The following LUZP2 variants were observed in gnomAD, a reference collection of about 807,000 sequenced individuals.
LUZP2 encodes leucine zipper protein 2.
A neutral mutation model predicts 51.6 loss-of-function variants in LUZP2; 52 were observed. That is an observed-to-expected ratio of 1.01 (90% CI 0.81 to 1.27). LUZP2 has a LOEUF of 1.27. LUZP2 is among the 50% of genes most tolerant of loss of function. LUZP2 has a pLI of 0.00. For synonymous variants in LUZP2, 154 were observed against 137.3 expected (o/e 1.12, Z -0.85); for missense variants, 436 against 395.4 (o/e 1.10, Z -0.87).
intron 5 of LUZP2, among the ~76,000 whole-genome samples, chr11:24,897,833 A>G (rs1853132548): frequency 6.6e-6 from 1 of 152,026 alleles, no homozygotes; most frequent in Admixed American, 6.6e-5. Flanking sequence ...TTGCTTGCTC[A>G]ATTGATTTAC....
At chr11:24,931,904 T>C (rs1854467313) in intron 7 of LUZP2, among the ~76,000 whole-genome samples, 1 of 152,204 alleles carries the variant, frequency 6.6e-6, no homozygotes, top group African/African-American at 2.4e-5. Flanking sequence ...AGGGAAGATC[T>C]GGGGTTCAGG....
intron 5 of LUZP2, among the ~76,000 whole-genome samples, chr11:24,769,776 A>C (rs1254431000): frequency 1.3e-5 from 2 of 149,988 alleles, no homozygotes; most frequent in Non-Finnish European, 2.9e-5. Context: ...AGGGAATCAC[A>C]CTAAATTCTC....
chr11:24,497,188 T>C lies in LUZP2; in HGVS notation c.-56T>C. On this transcript the variant is annotated 5_prime_UTR_variant, in exon 1 of 12. Coordinates refer to ENST00000336930, the MANE Select transcript of LUZP2 (RefSeq NM_001009909.4). ...AGCCGGGCACCAAGGAGCGACAGGA[T>C]CCCGAAGAGAGAGAGAGAAGGCAGC... 6.8e-7 allele frequency: 1 copy of C among 1,472,216 alleles called. No homozygotes were observed. The highest frequency in any genetic ancestry group is 9.2e-7 in the Non-Finnish European group (1 of 1,092,780). 91.2% of individuals were successfully genotyped at this position (1,472,216 alleles called of 1,614,324 possible).
chr11:24,889,486 A>AT (rs1852778762), intron 5 of LUZP2, among the ~76,000 whole-genome samples: 1 of 152,220 alleles, frequency 6.6e-6, no homozygotes, highest in Non-Finnish European at 1.5e-5. Flanking sequence ...ATGTCAAATG[A>AT]TAATTGTTTC....
intron 1 of LUZP2, among the ~76,000 whole-genome samples, chr11:24,600,174 AACACACACACACACACACAC>A (rs61439379): frequency 1.4e-5 from 2 of 144,162 alleles, no homozygotes; most frequent in Non-Finnish European, 3.0e-5. Flanking sequence ...TGTAGATTAC[AACACACACACACACACACAC>A]ACACACACAC....
At chr11:24,709,434 T>A (rs1167591990) in intron 1 of LUZP2, among the ~76,000 whole-genome samples, 1 of 152,108 alleles carries the variant, frequency 6.6e-6, no homozygotes, top group African/African-American at 2.4e-5. Context: ...TTTTAAAATA[T>A]ATGGATTTGA....
chr11:24,667,682 G>T (rs1427156829), intron 1 of LUZP2, among the ~76,000 whole-genome samples: 2 of 152,030 alleles, frequency 1.3e-5, no homozygotes, highest in Non-Finnish European at 2.9e-5. Context: ...AAAACCCAAG[G>T]ACATGAGCAA....
intron 9 of LUZP2, among the ~76,000 whole-genome samples, chr11:25,013,387 A>G (rs1272658648): frequency 6.6e-6 from 1 of 152,174 alleles, no homozygotes; most frequent in Non-Finnish European, 1.5e-5. Context: ...AAATCACTAT[A>G]TATTATTTAA....
chr11:24,811,721 G>A (rs1850029279), intron 5 of LUZP2, among the ~76,000 whole-genome samples: 1 of 152,022 alleles, frequency 6.6e-6, no homozygotes, highest in Non-Finnish European at 1.5e-5. Context: ...TCAGTATGCA[G>A]CCTTCCAAGG....
At chr11:24,630,839 G>A (rs1448071011) in intron 1 of LUZP2, among the ~76,000 whole-genome samples, 1 of 151,660 alleles carries the variant, frequency 6.6e-6, no homozygotes, top group Admixed American at 6.6e-5. Context: ...AGCATGGGGT[G>A]TTTTTCATTT....
chr11:24,772,415 G>T (rs1246648064), intron 5 of LUZP2, among the ~76,000 whole-genome samples: 3 of 152,192 alleles, frequency 2.0e-5, no homozygotes, highest in African/African-American at 7.2e-5. Context: ...GCCTACAGAT[G>T]AATAGGTGTA....
At chr11:25,052,627 A>G (rs1160741686) in intron 10 of LUZP2, among the ~76,000 whole-genome samples, 1 of 152,210 alleles carries the variant, frequency 6.6e-6, no homozygotes, top group East Asian at 1.9e-4. Context: ...TTTGCATTAA[A>G]TATTGTGAAA....
At chr11:24,901,477 T>C (rs1359107651) in intron 5 of LUZP2, among the ~76,000 whole-genome samples, 1 of 152,008 alleles carries the variant, frequency 6.6e-6, no homozygotes, top group Non-Finnish European at 1.5e-5. Context: ...AAGAAAACTA[T>C]TTGAGAAAAA....
chr11:24,786,712 T>TTATATATAAATAGGTATATTACGTATTTA (rs1554906391), intron 5 of LUZP2: 1 of 147,608 alleles, frequency 6.8e-6, no homozygotes, highest in East Asian at 2.0e-4. Flanking sequence ...TATTATGTAT[T>TTATATATAAATAGGTATATTACGTATTTA]TATATATATA....
intron 1 of LUZP2, among the ~76,000 whole-genome samples, chr11:24,643,863 T>C (rs1006355433): frequency 6.6e-6 from 1 of 152,224 alleles, no homozygotes; most frequent in Admixed American, 6.5e-5. Flanking sequence ...CATGACTACA[T>C]GACTATGCAT....
chr11:24,769,521 C>T (rs1187384387), intron 5 of LUZP2, among the ~76,000 whole-genome samples: 2 of 151,300 alleles, frequency 1.3e-5, no homozygotes, highest in Admixed American at 6.6e-5. Context: ...AATTATGTGT[C>T]GATTAAAACC....
chr11:24,602,164 A>ATATG (rs1565020547), intron 1 of LUZP2, among the ~76,000 whole-genome samples: 2 of 70,152 alleles, frequency 2.9e-5, no homozygotes, highest in African/African-American at 1.2e-4. Flanking sequence ...ATATGTATAT[A>ATATG]TGTGTATATA....
chr11:24,863,065 G>A (rs1480825557), intron 5 of LUZP2, among the ~76,000 whole-genome samples: 2 of 152,186 alleles, frequency 1.3e-5, no homozygotes, highest in Non-Finnish European at 2.9e-5. Context: ...CTATAGGTAA[G>A]GATGTGAGGA....
chr11:25,015,180 C>A (rs1373804023), intron 9 of LUZP2, among the ~76,000 whole-genome samples: 1 of 152,072 alleles, frequency 6.6e-6, no homozygotes, highest in South Asian at 2.1e-4. Context: ...TAAATTCTCA[C>A]AAAACACTAA....
Sources: gnomAD v4.1 joint callset for allele counts (sites outside exome capture counted in the v4.1 genomes callset) on GRCh38, gnomAD v4.1.1 for gene constraint, MANE v1.5 for transcripts, NCBI Gene and HGNC (gene_info 2026-07-23, HGNC 2026-07-21) for gene names.